Variants in REV3L observed in about 807,000 individuals in gnomAD.
REV3L encodes REV3 like, DNA directed polymerase zeta catalytic subunit.
In REV3L, 69 loss-of-function variants were observed where a neutral mutation model predicts 299.4. The observed-to-expected ratio is 0.23, with a 90% CI of 0.19 to 0.28. The LOEUF is 0.28. Ranked by LOEUF, REV3L falls within the 10% of genes least tolerant of loss-of-function variation. REV3L has a pLI of 1.00. For missense variants in REV3L, 3,128 were observed against 3,693.8 expected, an observed-to-expected ratio of 0.85 and a Z score of 3.97; for synonymous variants, 1,238 against 1,271.4, an observed-to-expected ratio of 0.97 and a Z score of 0.56.
intron 13 of REV3L, among the ~76,000 whole-genome samples, chr6:111,370,286 A>G (rs1327645902): frequency 6.6e-6 from 1 of 152,228 alleles, no homozygotes; most frequent in Non-Finnish European, 1.5e-5. Context: ...ATCACTACTA[A>G]TAACACCAAA....
At chr6:111,483,250 G>GGT (rs968404772), upstream of REV3L, 1 of 485,724 alleles carries the variant, frequency 2.1e-6, no homozygotes, top group African/African-American at 2.0e-5. Context: ...GGGAGAGGGG[G>GGT]GTGTGTGTGG....
At chr6:111,314,941 C>G (rs1246799882) in intron 27 of REV3L, among the ~76,000 whole-genome samples, 1 of 150,420 alleles carries the variant, frequency 6.6e-6, no homozygotes, top group Admixed American at 6.7e-5. Flanking sequence ...ACCTTGAATA[C>G]CTGGGCTCAA....
At chr6:111,402,493 T>C (rs576092281) in intron 4 of REV3L, among the ~76,000 whole-genome samples, 8 of 152,334 alleles carry the variant, frequency 5.3e-5, no homozygotes, top group African/African-American at 1.9e-4. Context: ...AGCGTTCTAT[T>C]CCCTTTTGGC....
intron 1 of REV3L, among the ~76,000 whole-genome samples, chr6:111,467,802 T>G (rs1265063843): frequency 6.6e-6 from 1 of 152,144 alleles, no homozygotes; most frequent in African/African-American, 2.4e-5. Flanking sequence ...CAGGGATTCC[T>G]GCAACGAATC....
At chr6:111,450,412 G>A (rs1438318415) in intron 1 of REV3L, among the ~76,000 whole-genome samples, 5 of 143,204 alleles carry the variant, frequency 3.5e-5, no homozygotes, top group African/African-American at 7.7e-5. Context: ...CCAGGAATTC[G>A]AGGCTGCAGT....
Position 111,333,341 on chromosome 6 carries a change from A to G in REV3L, c.7707T>C (p.Arg2569=), listed in dbSNP as rs139877746. 2.5e-6 allele frequency: 4 copies of G among 1,614,052 alleles called. No homozygotes were observed. The African/African-American group carries it at 5.3e-5, about 22-fold the overall frequency. Residue 2569 remains arginine (R), a synonymous_variant, in exon 23 of 32, where the codon CGT becomes CGC. Transcript: ENST00000368802. ...SQYRVESMML[R]IAKPMNYIPV... ...GAATATAGTTCATTGGTTTAGCAAT[A>G]CGCAACATCATTGATTCCACACGGT...
chr6:111,375,138 T>C lies in REV3L; in HGVS notation c.3217A>G (p.Thr1073Ala). 1 of 1,608,284 alleles carries C rather than the reference T, an allele frequency of 6.2e-7. No homozygotes were observed. The highest frequency in any genetic ancestry group is 8.5e-7 in the Non-Finnish European group (1 of 1,178,406). ...QRTNNENIKR[T>A]LSFRKKRSHA... ...GACCGTTTTTTCCTGAAAGACAAAG[T>C]TCTTTTAATATTTTCATTATTTGTC... The change falls in exon 13 of 32, where the codon ACT becomes GCT. Residue 1073 changes from threonine to alanine, a missense_variant. Thr to Ala is a moderately conservative substitution (Grantham distance 58, BLOSUM62 0). This residue lies in a region of REV3L where 2,409 missense variants were observed against 2,611.8 expected (regional missense o/e 0.92). Coordinates refer to ENST00000368802, the MANE Select transcript of REV3L (RefSeq NM_001372078.1).
intron 25 of REV3L, among the ~76,000 whole-genome samples, chr6:111,328,338 C>T (rs1443217223): frequency 2.0e-5 from 3 of 152,170 alleles, no homozygotes; most frequent in African/African-American, 4.8e-5. Context: ...CTCTTGGGCT[C>T]AAGCAATCCT....
At chr6:111,401,628 T>C (rs1257336729) in intron 4 of REV3L, among the ~76,000 whole-genome samples, 1 of 152,202 alleles carries the variant, frequency 6.6e-6, no homozygotes, top group Non-Finnish European at 1.5e-5. Context: ...CTTCAATATT[T>C]GTGTATTTAA....
chr6:111,411,657 C>G (rs535107212), intron 2 of REV3L, 103 bp from the exon 3 acceptor site: 477 of 743,648 alleles, frequency 6.4e-4, no homozygotes, highest in Non-Finnish European at 7.5e-4. Context: ...TTCAGTCTTA[C>G]GTTTAATATT....
intron 4 of REV3L, among the ~76,000 whole-genome samples, chr6:111,404,452 T>G (rs150726836): frequency 1.4e-4 from 22 of 152,314 alleles, no homozygotes; most frequent in Admixed American, 1.2e-3. Flanking sequence ...CTGCAGCCCA[T>G]GGGTCAAAGA....
intron 1 of REV3L, among the ~76,000 whole-genome samples, chr6:111,429,718 C>T (rs540368615): frequency 1.9e-4 from 29 of 152,262 alleles, no homozygotes; most frequent in South Asian, 4.1e-4. Flanking sequence ...AGGGGCCTCG[C>T]GGGCCCCGCT....
chr6:111,376,161 G>C lies in REV3L; in HGVS notation c.2194C>G (p.Leu732Val). ...AATGATGAAGGGAATAAACTACTCA[G>C]AGCTGTGCTGTTTCCTTTTTCATTT... ...EGNEKGNSTA[L>V]SSLFPSSFTE... The change falls in exon 13 of 32, where the codon CTG (leucine) becomes GTG (valine). Residue 732 changes from leucine to valine, a missense_variant. Coordinates refer to ENST00000368802, the MANE Select transcript of REV3L (RefSeq NM_001372078.1). 2.5e-6 allele frequency: 4 copies of C among 1,612,386 alleles called. No individual in the cohort carries two copies. Among genetic ancestry groups the C allele is most frequent in the South Asian group, 1.1e-5 (1 of 91,004 alleles).
At chr6:111,350,730 T>A (rs1582636473) in intron 19 of REV3L, among the ~76,000 whole-genome samples, 1 of 150,936 alleles carries the variant, frequency 6.6e-6, no homozygotes, top group Non-Finnish European at 1.5e-5. Context: ...GCACAAGCTA[T>A]CACACCTGGC....
At chr6:111,436,656 G>A (rs189808040) in intron 1 of REV3L, among the ~76,000 whole-genome samples, 1 of 152,112 alleles carries the variant, frequency 6.6e-6, no homozygotes, top group Non-Finnish European at 1.5e-5. Flanking sequence ...ATGAAGAGAG[G>A]TTGATTAAGG....
rs1414462008 is a variant in REV3L at position 111,367,684 on chromosome 6, T to C, written c.6104A>G (p.Glu2035Gly). 5.6e-6 allele frequency: 9 copies of C among 1,614,114 alleles called. No individual in the cohort carries two copies. The highest frequency in any genetic ancestry group is 5.5e-5 in the South Asian group (5 of 91,090). ...TKPTGVVKSAENFSSSVNPDD... is the reference protein window; with the variant it reads ...TKPTGVVKSAGNFSSSVNPDD... ...TGGGTTAACTGAAGAGCTAAAGTTC[T>C]CAGCAGATTTTACAACTCCAGTTGG... The change falls in exon 14 of 32, where the codon GAG becomes GGG. Residue 2035 changes from glutamate (E) to glycine (G), a missense_variant. By Grantham distance (98) the Glu-to-Gly change is moderately conservative. Transcript: ENST00000368802.
chr6:111,440,361 G>A (rs1788117416), intron 1 of REV3L, among the ~76,000 whole-genome samples: 2 of 152,182 alleles, frequency 1.3e-5, no homozygotes, highest in South Asian at 2.1e-4. Flanking sequence ...GAGCCACCAC[G>A]CCGAGTCCCA....
intron 4 of REV3L, among the ~76,000 whole-genome samples, chr6:111,395,566 A>G (rs920996627): frequency 1.3e-5 from 2 of 152,174 alleles, no homozygotes; most frequent in African/African-American, 4.8e-5. Flanking sequence ...AAAAATCTGC[A>G]ACTTTACTAA....
intron 31 of REV3L, among the ~76,000 whole-genome samples, chr6:111,300,937 T>C (rs1412521787): frequency 6.6e-6 from 1 of 152,196 alleles, no homozygotes; most frequent in Non-Finnish European, 1.5e-5. Flanking sequence ...GAGATAACCA[T>C]AAAATCTGAC....
Sources: gnomAD v4.1 joint callset for allele counts (sites outside exome capture counted in the v4.1 genomes callset) on GRCh38, gnomAD v4.1.1 for gene constraint, gnomAD v4.1.1 regional missense constraint, MANE v1.5 for transcripts, NCBI Gene and HGNC (gene_info 2026-07-23, HGNC 2026-07-21) for gene names.